The following MBTD1 variants were observed in gnomAD, a reference collection of about 807,000 sequenced individuals.
MBTD1 encodes the protein mbt domain containing 1.
MBTD1 carries 24 observed loss-of-function variants against 87.8 expected under a neutral mutation model. The observed-to-expected ratio is 0.27, with a 90% CI of 0.20 to 0.38. The LOEUF (loss-of-function observed/expected upper bound fraction) is 0.38, where lower values mean the gene tolerates loss of function less well. MBTD1 is among the 10% of genes least tolerant of loss of function. MBTD1 has a pLI of 1.00. For missense variants in MBTD1, 436 were observed against 760.2 expected, an observed-to-expected ratio of 0.57 and a Z score of 5.02; for synonymous variants, 237 against 248.6, an observed-to-expected ratio of 0.95 and a Z score of 0.44.
intron 13 of MBTD1, among the ~76,000 whole-genome samples, chr17:51,194,591 A>AAAAAAAAG (rs1482531960): frequency 6.7e-6 from 1 of 148,950 alleles, no homozygotes; most frequent in African/African-American, 2.5e-5. Flanking sequence ...AAAAAAAAAA[A>AAAAAAAAG]AGTCCACATG....
chr17:51,199,444 TA>T (rs1421350669), intron 12 of MBTD1, among the ~76,000 whole-genome samples: 5 of 151,884 alleles, frequency 3.3e-5, no homozygotes, highest in African/African-American at 4.8e-5. Context: ...ATCACTGTTT[TA>T]AAAAAATTTT....
At position 51,192,185 on chromosome 17, in the gene MBTD1, CACCACGTGGTG is replaced by C; in HGVS notation, c.1768+7_1768+17del. ...TTAACAATTAGAAAATGTATGTGAA[CACCACGTGGTG>C]ACCCACTTTTCTTATGTCCTTTGTA... On this transcript the variant is annotated splice_region_variant and intron_variant, in intron 16 of 16. Transcript: ENST00000586178. 6.5e-7 allele frequency: 1 copy of C among 1,528,324 alleles called. No individual in the cohort carries two copies. The highest frequency in any genetic ancestry group is 8.9e-7 in the Non-Finnish European group (1 of 1,126,576). 94.7% of individuals were successfully genotyped at this position (1,528,324 alleles called of 1,614,324 possible).
intron 3 of MBTD1, among the ~76,000 whole-genome samples, chr17:51,222,027 A>G (rs945767956): frequency 6.6e-6 from 1 of 152,206 alleles, no homozygotes; most frequent in African/African-American, 2.4e-5. Context: ...AAAATTCTAG[A>G]ATAGATTGTT....
Position 51,225,065 on chromosome 17 carries a change from G to A in MBTD1, c.97C>T (p.Pro33Ser), listed in dbSNP as rs1307089850. 2.6e-6 allele frequency: 4 copies of A among 1,551,282 alleles called. No homozygotes were observed. In the East Asian group the frequency reaches 9.8e-5, roughly 38 times the overall value. The change falls in exon 3 of 17, where the codon CCG (proline) becomes TCG (serine). Residue 33 changes from proline to serine, a missense_variant. This residue lies in a region of MBTD1 where 18 missense variants were observed against 107.8 expected (regional missense o/e 0.17). Transcript: ENST00000586178. Reference sequence around the variant, plus strand: ...ACTTGCCCATTGTTTTTGATAATCGGGAGATTAGAAGGTAAAGGAGCGACT... The same window carrying A: ...ACTTGCCCATTGTTTTTGATAATCGAGAGATTAGAAGGTAAAGGAGCGACT... Reference protein sequence around the residue: ...EEVAPLPSNLPIIKNNGQVYT... With the variant: ...EEVAPLPSNLSIIKNNGQVYT...
intron 2 of MBTD1, among the ~76,000 whole-genome samples, chr17:51,243,701 A>AT (rs1431114312): frequency 1.3e-5 from 2 of 151,870 alleles, no homozygotes; most frequent in African/African-American, 2.4e-5. Context: ...ATTAGTTTTA[A>AT]TTTTTTTTAG....
chr17:51,210,521 T>G (rs928403882), intron 6 of MBTD1, among the ~76,000 whole-genome samples: 4 of 151,320 alleles, frequency 2.6e-5, no homozygotes, highest in African/African-American at 9.7e-5. Context: ...TTTGGGAGGC[T>G]GAGGCAGGTG....
At chr17:51,205,610 C>A (rs1245963414) in intron 7 of MBTD1, among the ~76,000 whole-genome samples, 1 of 152,014 alleles carries the variant, frequency 6.6e-6, no homozygotes, top group Non-Finnish European at 1.5e-5. Flanking sequence ...GCAAGAGTAA[C>A]CCAAGGCACA....
rs373261901 is a variant in MBTD1, at chr17:51,203,958, G to T, written c.605-33C>A. Reference sequence around the variant, plus strand: ...CCAGAAATAAATCACTACATAATAAGAAAATAAAATTAAATAAAACAATAC... The same window carrying T: ...CCAGAAATAAATCACTACATAATAATAAAATAAAATTAAATAAAACAATAC... On this transcript the variant is annotated intron_variant, in intron 7 of 16. Coordinates refer to ENST00000586178, the MANE Select transcript of MBTD1 (RefSeq NM_017643.3). The T allele has an allele frequency of 2.1e-5, 32 of 1,527,936 alleles. No homozygotes were observed. In the East Asian group the frequency reaches 2.7e-4, roughly 13 times the overall value. The allele number at this position is 1,527,936 out of a possible 1,614,324, so 94.6% of individuals were successfully genotyped here.
intron 9 of MBTD1, 93 bp downstream of exon 9, chr17:51,203,047 C>G (rs1024462122): frequency 1.3e-5 from 17 of 1,270,936 alleles, no homozygotes; most frequent in Non-Finnish European, 1.7e-5. Context: ...CACAGATCAT[C>G]TGGTTCACAA....
chr17:51,192,870 A>G lies in MBTD1; in HGVS notation c.1602T>C (p.Asp534=). ...CAGGTGACTCACAGTCTACCCACTG[A>G]TCATACTCTTCTTCCCATCCATCAA... is the stretch of plus-strand genomic sequence containing the variant. ...IHFDGWEEEY[D]QWVDCESPDL... The change falls in exon 15 of 17, where the codon GAT becomes GAC. Residue 534 remains aspartate (D), a synonymous_variant. Coordinates refer to ENST00000586178, the MANE Select transcript of MBTD1 (RefSeq NM_017643.3). 6.2e-7 allele frequency: 1 copy of G among 1,614,184 alleles called. No homozygotes were observed. The highest frequency in any genetic ancestry group is 8.5e-7 in the Non-Finnish European group (1 of 1,180,020).
intron 16 of MBTD1, chr17:51,184,964 A>T (rs2144993262): frequency 6.6e-6 from 1 of 152,346 alleles, no homozygotes; most frequent in Admixed American, 6.5e-5. Context: ...ATGTAAGAAC[A>T]TCACAGTGAT....
intron 3 of MBTD1, among the ~76,000 whole-genome samples, 182 bp from the exon 4 acceptor site, chr17:51,220,645 G>C (rs546870896): frequency 2.0e-5 from 3 of 152,294 alleles, no homozygotes; most frequent in Non-Finnish European, 4.4e-5. Context: ...AGAGAACACT[G>C]GTATTGTGCC....
chr17:51,184,557 G>A (rs889900260), intron 16 of MBTD1: 4 of 152,136 alleles, frequency 2.6e-5, no homozygotes, highest in African/African-American at 9.7e-5. Context: ...TATAGACATC[G>A]GTGGAAGAAG....
At position 51,236,097 on chromosome 17, in the gene MBTD1, T is replaced by C. The variant is rs374114578; in HGVS notation, c.-48-10888A>G. On this transcript the variant is annotated intron_variant, in intron 2 of 16. Transcript: ENST00000586178. Reference sequence around the variant, plus strand: ...CATATAGAGTGTATATATATATCTATAGATTTACATACCTATAGATATGTC... The same window carrying C: ...CATATAGAGTGTATATATATATCTACAGATTTACATACCTATAGATATGTC... Among the ~76,000 whole-genome samples, 9 of 152,132 alleles carry C rather than the reference T, an allele frequency of 5.9e-5. No homozygotes were observed. In the East Asian group the frequency reaches 9.6e-4, roughly 16 times the overall value.
Position 51,180,617 on chromosome 17 carries a change from T to C in MBTD1, c.1846A>G (p.Ser616Gly), listed in dbSNP as rs1185547254. The C allele has an allele frequency of 1.3e-6, 2 of 1,551,538 alleles. No homozygotes were observed. The highest frequency in any genetic ancestry group is 4.9e-5 in the East Asian group (2 of 40,934). Residue 616 changes from serine to glycine, a missense_variant, in exon 17 of 17, where the codon AGC (serine) becomes GGC (glycine). Transcript: ENST00000586178. ...NFLQGASDQE[S>G]NGSANFYIKQ... ...ATGTAGAAGTTGGCAGAGCCATTGCTTTCCTGATCAGACGCTCCTTGAAGG... is the reference window on the plus strand; with the variant it reads ...ATGTAGAAGTTGGCAGAGCCATTGCCTTCCTGATCAGACGCTCCTTGAAGG...
chr17:51,255,889 C>A (rs769943834), intron 2 of MBTD1, among the ~76,000 whole-genome samples: 52 of 152,170 alleles, frequency 3.4e-4, no homozygotes, highest in Non-Finnish European at 6.8e-4. Flanking sequence ...TTAGCCAACA[C>A]ACCTGGTTAA....
At chr17:51,252,017 G>A (rs1374686268) in intron 2 of MBTD1, among the ~76,000 whole-genome samples, 3 of 152,276 alleles carry the variant, frequency 2.0e-5, no homozygotes, top group East Asian at 3.9e-4. Context: ...GGCCCACTTC[G>A]GCCTCCCAAA....
At chr17:51,225,307 G>A (rs2053146734) in intron 2 of MBTD1, 98 bp from the exon 3 acceptor site, 1 of 533,462 alleles carries the variant, frequency 1.9e-6, no homozygotes, top group South Asian at 4.5e-5. Flanking sequence ...TTTGATAAAT[G>A]AAAACGCAGC....
At chr17:51,229,013 A>AG (rs1052350566) in intron 2 of MBTD1, among the ~76,000 whole-genome samples, 8 of 151,138 alleles carry the variant, frequency 5.3e-5, no homozygotes, top group Non-Finnish European at 5.9e-5. Context: ...AACAAACAAC[A>AG]GAAAAAAAAA....
Sources: allele counts gnomAD v4.1 joint callset (sites outside exome capture counted in the v4.1 genomes callset), GRCh38; gene constraint gnomAD v4.1.1; regional missense constraint gnomAD v4.1.1; transcripts MANE v1.5; gene names NCBI Gene and HGNC (gene_info 2026-07-23, HGNC 2026-07-21).